Variants in TAS2R1 observed in about 807,000 individuals in gnomAD.
The protein encoded by TAS2R1 is taste receptor type 2 member 1.
For synonymous variants in TAS2R1, 141 were observed against 134.2 expected (o/e 1.05, Z -0.35); for missense variants, 370 against 353.4 (o/e 1.05, Z -0.38).
At chr5:9,721,086 T>C in the TAS2R1 span, among the ~76,000 whole-genome samples, 1 of 152,174 alleles carries the variant, frequency 6.6e-6, no homozygotes, top group Non-Finnish European at 1.5e-5. Flanking sequence ...CCTATATAAA[T>C]AGATAGCTGA....
chr5:9,709,464 A>G (rs1741687957), intron 1 of TAS2R1, among the ~76,000 whole-genome samples: 1 of 152,136 alleles, frequency 6.6e-6, no homozygotes. Context: ...AGAAGCCCCC[A>G]TGACTCCTGC....
chr5:9,676,969 A>T (rs1285795543), intron 1 of TAS2R1, among the ~76,000 whole-genome samples: 1 of 152,200 alleles, frequency 6.6e-6, no homozygotes, highest in Non-Finnish European at 1.5e-5. Context: ...TGTTCAATGC[A>T]GCACTATTCA....
At chr5:9,749,315 A>T in the TAS2R1 span, among the ~76,000 whole-genome samples, 1 of 152,120 alleles carries the variant, frequency 6.6e-6, no homozygotes, top group Non-Finnish European at 1.5e-5. Flanking sequence ...GTAGACCTTA[A>T]ATGCTGAGGG....
At chr5:9,779,634 T>C in the TAS2R1 span, among the ~76,000 whole-genome samples, 2 of 152,248 alleles carry the variant, frequency 1.3e-5, no homozygotes, top group South Asian at 2.1e-4. Flanking sequence ...TTTGATGTCT[T>C]ATATGCATGC....
chr5:9,670,333 G>A (rs1740724451), intron 1 of TAS2R1, among the ~76,000 whole-genome samples: 1 of 152,158 alleles, frequency 6.6e-6, no homozygotes, highest in Admixed American at 6.6e-5. Context: ...CTAAATGGAG[G>A]TGTAAACAGA....
intron 2 of TAS2R1, among the ~76,000 whole-genome samples, chr5:9,650,701 T>C (rs1027060024): frequency 6.6e-6 from 1 of 152,162 alleles, no homozygotes; most frequent in Admixed American, 6.6e-5. Flanking sequence ...CTTGGTCCGA[T>C]TATCACACCC....
chr5:9,869,574 G>T, the TAS2R1 span, among the ~76,000 whole-genome samples: 1 of 152,130 alleles, frequency 6.6e-6, no homozygotes, highest in African/African-American at 2.4e-5. Flanking sequence ...CTATATCAGA[G>T]TACCTATGTG....
the TAS2R1 span, among the ~76,000 whole-genome samples, chr5:9,800,443 G>A: frequency 2.0e-5 from 3 of 152,202 alleles, no homozygotes; most frequent in Admixed American, 2.0e-4. Flanking sequence ...AGGGTCTACT[G>A]TGGAAAGAAT....
chr5:9,830,006 C>A, the TAS2R1 span, among the ~76,000 whole-genome samples: 40,229 of 151,916 alleles, frequency 0.26, 6,478 homozygotes, highest in Non-Finnish European at 0.37. Flanking sequence ...GACCATTGAC[C>A]TTGTCACACA....
At chr5:9,854,189 C>T in the TAS2R1 span, among the ~76,000 whole-genome samples, 3 of 152,072 alleles carry the variant, frequency 2.0e-5, no homozygotes, top group Non-Finnish European at 4.4e-5. Flanking sequence ...GGCTTGTAGA[C>T]ACATCACCCC....
chr5:9,644,029 C>T (rs983790271), intron 2 of TAS2R1, among the ~76,000 whole-genome samples: 1 of 152,002 alleles, frequency 6.6e-6, no homozygotes. Context: ...GCCCAGCAAC[C>T]CTGCAATGTG....
the TAS2R1 span, among the ~76,000 whole-genome samples, chr5:9,761,846 G>A: frequency 2.6e-5 from 4 of 152,196 alleles, no homozygotes; most frequent in Admixed American, 2.6e-4. Flanking sequence ...GTTCATTTCT[G>A]AAGCTCACTT....
chr5:9,798,186 C>T, the TAS2R1 span, among the ~76,000 whole-genome samples: 1 of 152,160 alleles, frequency 6.6e-6, no homozygotes, highest in South Asian at 2.1e-4. Flanking sequence ...AATAAATCTA[C>T]AGAAAGAGAA....
At chr5:9,880,882 C>T in the TAS2R1 span, among the ~76,000 whole-genome samples, 1 of 152,238 alleles carries the variant, frequency 6.6e-6, no homozygotes, top group East Asian at 1.9e-4. Context: ...AGATAAAAGT[C>T]ATGTCAGCCA....
upstream of TAS2R1, among the ~76,000 whole-genome samples, chr5:9,715,535 C>A (rs1734794111): frequency 2.0e-5 from 3 of 152,310 alleles, no homozygotes; most frequent in South Asian, 6.2e-4. Context: ...AAGGTGCTCC[C>A]AAGGGAGTGC....
the TAS2R1 span, among the ~76,000 whole-genome samples, chr5:9,751,006 G>A: frequency 2.0e-5 from 3 of 151,758 alleles, no homozygotes; most frequent in East Asian, 5.8e-4. Flanking sequence ...TGTAATACTA[G>A]CTACTGGCCA....
At chr5:9,832,254 G>C in the TAS2R1 span, among the ~76,000 whole-genome samples, 1 of 152,168 alleles carries the variant, frequency 6.6e-6, no homozygotes, top group African/African-American at 2.4e-5. Flanking sequence ...TTTTGTTCCA[G>C]ATGTCCGCAT....
chr5:9,804,504 G>C, the TAS2R1 span, among the ~76,000 whole-genome samples: 1 of 151,994 alleles, frequency 6.6e-6, no homozygotes, highest in South Asian at 2.1e-4. Flanking sequence ...CACAAAACAA[G>C]TCTCAATAAA....
the TAS2R1 span, among the ~76,000 whole-genome samples, chr5:9,794,940 C>G: frequency 1.3e-5 from 2 of 152,122 alleles, no homozygotes; most frequent in African/African-American, 4.8e-5. Flanking sequence ...TTATCTTTCA[C>G]TTTTGCAAAG....
Sources: gnomAD v4.1 joint callset for allele counts (sites outside exome capture counted in the v4.1 genomes callset) on GRCh38, gnomAD v4.1.1 for gene constraint, MANE v1.5 for transcripts, NCBI Gene and HGNC (gene_info 2026-07-23, HGNC 2026-07-21) for gene names.